Variants in SLC25A41 observed in about 807,000 individuals in gnomAD.
SLC25A41 encodes the protein solute carrier family 25 member 41, also known as mitochondrial carrier protein SCaMC-3L.
SLC25A41 carries 35 observed loss-of-function variants against 34.7 expected under a neutral mutation model. The ratio of observed to expected loss-of-function variants is 1.01; its 90% CI spans 0.77 to 1.34. The LOEUF (loss-of-function observed/expected upper bound fraction) is 1.34, where lower values mean the gene tolerates loss of function less well. SLC25A41 is among the 40% of genes most tolerant of loss of function. The pLI is 0.00. For missense variants in SLC25A41, 492 were observed against 489.8 expected (o/e 1.00, Z -0.04); for synonymous variants, 190 against 209.9 (o/e 0.91, Z 0.82).
chr19:6,429,416 A>AGGAG (rs2092271699), intron 4 of SLC25A41, among the ~76,000 whole-genome samples: 1 of 23,860 alleles, frequency 4.2e-5, no homozygotes. Flanking sequence ...GGAAGAGGGG[A>AGGAG]GGAGAAGGGA....
chr19:6,429,052 T>TATGATATATATATAAC, intron 4 of SLC25A41, among the ~76,000 whole-genome samples: 1 of 51,290 alleles, frequency 1.9e-5, no homozygotes, highest in African/African-American at 1.1e-4. Context: ...ATATATATTA[T>TATGATATATATATAAC]ATATATGTTA....
chr19:6,429,935 C>A (rs2092277324), intron 3 of SLC25A41, 74 bp downstream of exon 3: 2 of 1,592,148 alleles, frequency 1.3e-6, no homozygotes, highest in East Asian at 4.5e-5. Flanking sequence ...TGTGCTTGAA[C>A]AAGGGCCTGG....
intron 4 of SLC25A41, among the ~76,000 whole-genome samples, chr19:6,429,118 ATT>A (rs2092263586): frequency 1.8e-5 from 1 of 55,648 alleles, no homozygotes; most frequent in Non-Finnish European, 2.8e-5. Context: ...TAATATATAT[ATT>A]ATATATATGT....
At chr19:6,431,931 A>G (rs2092287086) in intron 2 of SLC25A41, 118 bp downstream of exon 2, 5 of 1,270,474 alleles carry the variant, frequency 3.9e-6, no homozygotes, top group Non-Finnish European at 2.1e-6. Flanking sequence ...AGGAGAGCCC[A>G]ACTCCAGCCA....
chr19:6,434,778 G>A (rs1281812230), upstream of SLC25A41, among the ~76,000 whole-genome samples: 1 of 152,056 alleles, frequency 6.6e-6, no homozygotes, highest in African/African-American at 2.4e-5. Flanking sequence ...GTTTGGTGGT[G>A]TGCCCCTGTA....
At position 6,427,285 on chromosome 19, in the gene SLC25A41, G is replaced by A; in HGVS notation, c.793-35C>T. The A allele has an allele frequency of 6.2e-7, 1 of 1,609,598 alleles. No homozygotes were observed. Among genetic ancestry groups the A allele is most frequent in the South Asian group, 1.1e-5 (1 of 90,922 alleles). ...AAGGGGGCCAGGAGAAAGCTCACTA[G>A]GAGCCTGGGCTCCGGCCAGCCCTGC... On this transcript the variant is annotated intron_variant, in intron 5 of 6. Coordinates refer to ENST00000321510, the MANE Select transcript of SLC25A41 (RefSeq NM_173637.4). This position sits in a 1 kb window ranked among gnomAD's most constrained non-coding sequence, Gnocchi z 4.9.
chr19:6,433,347 G>T, intron 1 of SLC25A41, 140 bp downstream of exon 1: 1 of 834,850 alleles, frequency 1.2e-6, no homozygotes, highest in Non-Finnish European at 1.9e-6. Flanking sequence ...ATCGCGCCCT[G>T]CCTCCCTGCC....
chr19:6,427,128 C>T lies in SLC25A41; in HGVS notation c.915G>A (p.Leu305=). 1 of 1,607,540 alleles carries T rather than the reference C, an allele frequency of 6.2e-7. No homozygotes were observed. The highest frequency in any genetic ancestry group is 8.5e-7 in the Non-Finnish European group (1 of 1,177,612). The change falls in exon 6 of 7, where the codon CTG becomes CTA. Residue 305 remains leucine, a synonymous_variant. Transcript: ENST00000321510. This position sits in a 1 kb window ranked among gnomAD's most constrained non-coding sequence, Gnocchi z 4.9. ...CGQMASYPLT[L]VRTRMQAQDT... is the part of the protein sequence containing the mutation. ...CTTGGGCCTGCATCCTGGTGCGCACCAGAGTCAGTGGGTAGCTGGCCATCT... is the reference window on the plus strand; with the variant it reads ...CTTGGGCCTGCATCCTGGTGCGCACTAGAGTCAGTGGGTAGCTGGCCATCT...
At chr19:6,429,511 G>A (rs1343142348) in intron 4 of SLC25A41, among the ~76,000 whole-genome samples, 5 of 73,714 alleles carry the variant, frequency 6.8e-5, no homozygotes, top group African/African-American at 1.8e-4. Context: ...GGAGGAGGAG[G>A]AGAGGAGGAA....
In SLC25A41 at chr19:6,429,059, GTTAT is replaced by G. The variant is rs1291940566; in HGVS notation, c.624+661_624+664del. Among the ~76,000 whole-genome samples the G allele has an allele frequency of 2.5e-4, 6 of 24,218 alleles. 2 individuals are homozygous for G. The highest frequency in any genetic ancestry group is 2.3e-3 in the Admixed American group (2 of 872). 15.9% of individuals were successfully genotyped at this position (24,218 alleles called of 152,430 possible). ...TATATAATATATATATTATATATAT[GTTAT>G]ATATATATATAATATATATATTATA... On this transcript the variant is annotated intron_variant, in intron 4 of 6. Coordinates refer to ENST00000321510, the MANE Select transcript of SLC25A41 (RefSeq NM_173637.4).
intron 4 of SLC25A41, among the ~76,000 whole-genome samples, chr19:6,429,334 A>AGG (rs2092269887): frequency 2.7e-4 from 8 of 29,718 alleles, no homozygotes; most frequent in Non-Finnish European, 5.1e-4. Flanking sequence ...GAAAGAGGTA[A>AGG]AGGGGGAAGA....
At chr19:6,431,750 T>G (rs2092286340) in intron 2 of SLC25A41, among the ~76,000 whole-genome samples, 1 of 152,100 alleles carries the variant, frequency 6.6e-6, no homozygotes, top group Non-Finnish European at 1.5e-5. Context: ...GCCCCTACCT[T>G]GTCTTTAAAC....
chr19:6,433,975 G>T (rs1227520460), upstream of SLC25A41, among the ~76,000 whole-genome samples: 1 of 152,042 alleles, frequency 6.6e-6, no homozygotes, highest in Admixed American at 6.6e-5. Context: ...ACGGAGTCTC[G>T]CTCAGTCTCC....
At chr19:6,426,687 G>T in intron 6 of SLC25A41, 126 bp from the exon 7 acceptor site, 1 of 955,978 alleles carries the variant, frequency 1.0e-6, no homozygotes, top group Non-Finnish European at 1.6e-6. Context: ...AAAACAGTTT[G>T]AAGAGTCTTA....
intron 1 of SLC25A41, 35 bp from the exon 2 acceptor site, chr19:6,432,239 C>T (rs1292375072): frequency 6.2e-7 from 1 of 1,600,060 alleles, no homozygotes; most frequent in Non-Finnish European, 8.5e-7. Context: ...TCATCCTCAG[C>T]CAGGTTGGGG....
chr19:6,428,144 C>A lies in SLC25A41; in HGVS notation c.625-643G>T, dbSNP rs1001330994. Among the ~76,000 whole-genome samples the A allele has an allele frequency of 3.3e-5, 5 of 151,942 alleles. 1 individual carries two copies. In the South Asian group the frequency reaches 1.0e-3, roughly 32 times the overall value. ...TTAAGAGTGAACCCTAGGTCGGGTG[C>A]GGTAGCTCATGCCTGTAATCCCAGC... On this transcript the variant is annotated intron_variant, in intron 4 of 6. Coordinates refer to ENST00000321510, the MANE Select transcript of SLC25A41 (RefSeq NM_173637.4).
chr19:6,432,473 ATTTTTTTTTTTTT>A (rs34519561), intron 1 of SLC25A41, among the ~76,000 whole-genome samples: 14 of 80,980 alleles, frequency 1.7e-4, no homozygotes, highest in East Asian at 4.4e-4. Context: ...ACAACACCTA[ATTTTTTTTTTTTT>A]TTTTTTTTTT....
chr19:6,429,731 G>C lies in SLC25A41; in HGVS notation c.617C>G (p.Pro206Arg), dbSNP rs775243801. The C allele has an allele frequency of 4.4e-6, 7 of 1,591,852 alleles. No homozygotes were observed. The highest frequency in any genetic ancestry group is 6.0e-6 in the Non-Finnish European group (7 of 1,171,298). Residue 206 changes from proline to arginine, a missense_variant, in exon 4 of 7, where the codon CCC (proline) becomes CGC (arginine). Pro to Arg is a moderately radical substitution (Grantham distance 103). Coordinates refer to ENST00000321510, the MANE Select transcript of SLC25A41 (RefSeq NM_173637.4). ...GGGCACATGCTCTCTTACCTCCATG[G>C]GGTTGATGAGGGTCTGGGAGATGGC... ...AVAISQTLIN[P>R]MEVLKTRLTL...
chr19:6,431,783 A>G (rs940723715), intron 2 of SLC25A41, among the ~76,000 whole-genome samples: 6 of 151,552 alleles, frequency 4.0e-5, no homozygotes, highest in Non-Finnish European at 8.8e-5. Context: ...CCCATCCCCA[A>G]TTCCCTGACC....
Sources: allele counts gnomAD v4.1 joint callset (sites outside exome capture counted in the v4.1 genomes callset), GRCh38; gene constraint gnomAD v4.1.1; non-coding constraint Gnocchi (gnomAD v3.1); transcripts MANE v1.5; gene names NCBI Gene and HGNC (gene_info 2026-07-23, HGNC 2026-07-21).